The following HSD17B6 variants were observed in gnomAD, a reference collection of about 807,000 sequenced individuals.
HSD17B6 encodes the protein hydroxysteroid 17-beta dehydrogenase 6, also known as 17-beta-hydroxysteroid dehydrogenase type 6.
A neutral mutation model predicts 26.4 loss-of-function variants in HSD17B6; 16 were observed. The ratio of observed to expected loss-of-function variants is 0.61; its 90% CI spans 0.41 to 0.92. HSD17B6 has a LOEUF of 0.92. Ranked by LOEUF, HSD17B6 falls within the 40% of genes least tolerant of loss-of-function variation. HSD17B6 has a pLI of 0.00. For missense variants in HSD17B6, 357 were observed against 386.1 expected, an observed-to-expected ratio of 0.92 and a Z score of 0.63; for synonymous variants, 139 against 153.0, an observed-to-expected ratio of 0.91 and a Z score of 0.68.
chr12:56,769,558 T>G (rs1025530330), intron 1 of HSD17B6, among the ~76,000 whole-genome samples: 3 of 152,152 alleles, frequency 2.0e-5, no homozygotes, highest in African/African-American at 7.2e-5. Flanking sequence ...TAAATAAAAT[T>G]AACCAGATAG....
chr12:56,776,929 GA>G (rs1333679149), intron 2 of HSD17B6, among the ~76,000 whole-genome samples: 1 of 152,146 alleles, frequency 6.6e-6, no homozygotes, highest in Non-Finnish European at 1.5e-5. Context: ...TGGCAATTAT[GA>G]ATAAATTCTC....
chr12:56,784,768 A>C (rs1440594704), intron 3 of HSD17B6, 85 bp from the exon 4 acceptor site: 5 of 1,335,838 alleles, frequency 3.7e-6, no homozygotes, highest in Middle Eastern at 1.9e-4. Context: ...AAGGTATTTT[A>C]TAATCTTTTT....
At chr12:56,787,003 G>C in intron 4 of HSD17B6, 122 bp from the exon 5 acceptor site, 1 of 710,744 alleles carries the variant, frequency 1.4e-6, no homozygotes, top group South Asian at 1.9e-5. Context: ...TATCATATTG[G>C]GATGCACATT....
chr12:56,774,170 G>A lies in HSD17B6; in HGVS notation c.313+5G>A. On this transcript the variant is annotated splice_donor_5th_base_variant and intron_variant, in intron 2 of 4. Transcript: ENST00000322165. ...AGGAGCATGTGGGGGACAGAGGTATGAAATATTTTCTCCTTTTATTTACTT... is the reference window on the plus strand; with the variant it reads ...AGGAGCATGTGGGGGACAGAGGTATAAAATATTTTCTCCTTTTATTTACTT... 6.5e-7 allele frequency: 1 copy of A among 1,533,856 alleles called. No homozygotes were observed. The highest frequency in any genetic ancestry group is 8.8e-7 in the Non-Finnish European group (1 of 1,140,886).
intron 3 of HSD17B6, 85 bp downstream of exon 3, chr12:56,782,317 C>T: frequency 8.1e-7 from 1 of 1,230,222 alleles, no homozygotes; most frequent in Non-Finnish European, 1.1e-6. Flanking sequence ...TATCTTATTT[C>T]ATCACTCCTC....
chr12:56,767,753 A>G (rs1373707365), intron 1 of HSD17B6, among the ~76,000 whole-genome samples: 4 of 145,590 alleles, frequency 2.7e-5, no homozygotes, highest in Admixed American at 7.0e-5. Flanking sequence ...ATATATACGT[A>G]TATATATGTG....
chr12:56,768,164 C>T (rs1954385234), intron 1 of HSD17B6, among the ~76,000 whole-genome samples: 2 of 151,916 alleles, frequency 1.3e-5, no homozygotes, highest in Middle Eastern at 6.3e-3. Context: ...TCACTGAAGG[C>T]CAGGTTAGGA....
chr12:56,786,276 G>A (rs2137937835), intron 4 of HSD17B6, among the ~76,000 whole-genome samples: 1 of 140,902 alleles, frequency 7.1e-6, no homozygotes, highest in East Asian at 2.1e-4. Context: ...TTGAGACAGA[G>A]TCTCGCTCTG....
intron 3 of HSD17B6, among the ~76,000 whole-genome samples, chr12:56,783,619 A>AGCG (rs1461749187): frequency 1.4e-5 from 1 of 70,814 alleles, no homozygotes; most frequent in Non-Finnish European, 2.6e-5. Context: ...TCCCGGACGG[A>AGCG]GCGGCTGGCC....
Position 56,774,034 on chromosome 12 carries a change from T to C in HSD17B6, c.182T>C (p.Leu61Pro), listed in dbSNP as rs1954537853. Residue 61 changes from leucine (L) to proline (P), a missense_variant, in exon 2 of 5, where the codon CTG becomes CCG. Coordinates refer to ENST00000322165, the MANE Select transcript of HSD17B6 (RefSeq NM_003725.4). ...GGCTTGAGAGTGCTGGCTGCGTGTC[T>C]GACGGAGAAGGGGGCCGAGCAGCTG... ...ARGLRVLAACLTEKGAEQLRG... is the reference protein window; with the variant it reads ...ARGLRVLAACPTEKGAEQLRG... 6.2e-7 allele frequency: 1 copy of C among 1,614,016 alleles called. No individual in the cohort carries two copies. The highest frequency in any genetic ancestry group is 1.3e-5 in the African/African-American group (1 of 74,892).
At chr12:56,783,634 G>T (rs1287278150) in intron 3 of HSD17B6, among the ~76,000 whole-genome samples, 3 of 57,962 alleles carry the variant, frequency 5.2e-5, no homozygotes, top group Admixed American at 1.6e-4. Flanking sequence ...CTGGCCGGGT[G>T]GGGGGCTGAC....
intron 2 of HSD17B6, among the ~76,000 whole-genome samples, chr12:56,778,970 C>T (rs1440882009): frequency 1.3e-5 from 2 of 151,870 alleles, no homozygotes; most frequent in Non-Finnish European, 2.9e-5. Flanking sequence ...CCACCGCGCC[C>T]GGCCACCTTG....
At chr12:56,766,346 T>TGTTGG (rs374814150) in intron 1 of HSD17B6, among the ~76,000 whole-genome samples, 147 of 152,286 alleles carry the variant, frequency 9.7e-4, no homozygotes, top group Middle Eastern at 3.4e-3. Context: ...AGAGTAGTCT[T>TGTTGG]GTTGGTATCT....
At chr12:56,774,767 G>C (rs569344314) in intron 2 of HSD17B6, among the ~76,000 whole-genome samples, 26 of 152,358 alleles carry the variant, frequency 1.7e-4, no homozygotes, top group African/African-American at 6.3e-4. Context: ...AATAGGGTTA[G>C]TGCTCCTGTG....
intron 1 of HSD17B6, among the ~76,000 whole-genome samples, chr12:56,773,097 C>A (rs1284996062): frequency 6.6e-6 from 1 of 152,198 alleles, no homozygotes; most frequent in African/African-American, 2.4e-5. Flanking sequence ...TCTGTGAACA[C>A]TCATTTCAAC....
intron 2 of HSD17B6, among the ~76,000 whole-genome samples, chr12:56,780,579 GC>G (rs1417733154): frequency 2.6e-5 from 4 of 151,992 alleles, no homozygotes; most frequent in Non-Finnish European, 4.4e-5. Flanking sequence ...TCTAAGTGAG[GC>G]CGGGTGCGTG....
intron 1 of HSD17B6, among the ~76,000 whole-genome samples, chr12:56,773,599 T>C (rs1221851101): frequency 6.6e-6 from 1 of 152,244 alleles, no homozygotes; most frequent in African/African-American, 2.4e-5. Context: ...ATCGGTCATC[T>C]TCCTTTGTAG....
chr12:56,786,492 C>G lies in HSD17B6; in HGVS notation c.737-633C>G, dbSNP rs1046783387. On this transcript the variant is annotated intron_variant, in intron 4 of 4. Transcript: ENST00000322165. ...CTCGAACTCCTGACCCCAAATTATC[C>G]ACCCACCTCGGCCTCCCAAAGTGCT... Among the ~76,000 whole-genome samples the G allele has an allele frequency of 6.6e-5, 10 of 152,288 alleles. No individual in the cohort carries two copies. The South Asian group carries it at 2.1e-3, about 32-fold the overall frequency.
chr12:56,777,645 G>A (rs988097176), intron 2 of HSD17B6, among the ~76,000 whole-genome samples: 13 of 152,166 alleles, frequency 8.5e-5, no homozygotes, highest in Non-Finnish European at 1.8e-4. Flanking sequence ...TTACAGGCGT[G>A]AGGCACTGCA....
Sources: allele counts gnomAD v4.1 joint callset (sites outside exome capture counted in the v4.1 genomes callset), GRCh38; gene constraint gnomAD v4.1.1; transcripts MANE v1.5; gene names NCBI Gene and HGNC (gene_info 2026-07-23, HGNC 2026-07-21).